GOLGA4: variants seen among roughly 807,000 people sequenced by gnomAD.
GOLGA4 encodes the protein golgin subfamily A member 4.
A neutral mutation model predicts 265.9 loss-of-function variants in GOLGA4; 169 were observed. That is an observed-to-expected ratio of 0.64 (90% CI 0.56 to 0.72). The LOEUF is 0.72. GOLGA4 is among the 30% of genes least tolerant of loss of function. The pLI is 0.00. For synonymous variants in GOLGA4, 923 were observed against 855.8 expected (o/e 1.08, Z -1.37); for missense variants, 2,482 against 2,483.4 (o/e 1.00, Z 0.01).
At chr3:37,265,117 T>TTGTGTGTGTG (rs35252934) in intron 2 of GOLGA4, among the ~76,000 whole-genome samples, 170 of 147,650 alleles carry the variant, frequency 1.2e-3, no homozygotes, top group African/African-American at 3.7e-3. Context: ...CATGCTCATA[T>TTGTGTGTGTG]TGTGTGTGTG....
chr3:37,276,292 T>A, intron 2 of GOLGA4: 1 of 1,591,406 alleles, frequency 6.3e-7, no homozygotes, highest in Admixed American at 1.7e-5. Flanking sequence ...ATCTTAAAGA[T>A]GCAAAAAATC....
chr3:37,244,338 T>G (rs2096712793), intron 1 of GOLGA4, among the ~76,000 whole-genome samples: 1 of 152,246 alleles, frequency 6.6e-6, no homozygotes, highest in Non-Finnish European at 1.5e-5. Flanking sequence ...TTTTAAGTCT[T>G]GCTGCTCTGC....
rs781369550 is a variant in GOLGA4 at position 37,324,197 on chromosome 3, C to G, written c.2311C>G (p.His771Asp). The change falls in exon 14 of 24, where the codon CAT becomes GAT. Residue 771 changes from histidine to aspartate, a missense_variant. Transcript: ENST00000361924. The part of the protein sequence containing the change: ...LELLLKERDK[H>D]LKEHQAHVEN... ...GCTTCTCTTGAAGGAAAGGGACAAG[C>G]ATTTGAAAGAGCATCAGGCTCATGT... is the stretch of plus-strand genomic sequence containing the variant. 4.3e-6 allele frequency: 7 copies of G among 1,614,024 alleles called. No individual in the cohort carries two copies. In the East Asian group the frequency reaches 1.6e-4, roughly 36 times the overall value.
intron 22 of GOLGA4, among the ~76,000 whole-genome samples, chr3:37,357,545 G>A (rs1033660583): frequency 2.0e-5 from 3 of 152,112 alleles, no homozygotes; most frequent in Non-Finnish European, 4.4e-5. Flanking sequence ...CCCAAAATAC[G>A]ATATGAGATG....
intron 2 of GOLGA4, among the ~76,000 whole-genome samples, chr3:37,263,252 A>G (rs2048004067): frequency 1.3e-5 from 2 of 152,354 alleles, no homozygotes; most frequent in South Asian, 2.1e-4. Flanking sequence ...CTAGGTATGT[A>G]GTATGCTATG....
intron 2 of GOLGA4, chr3:37,276,336 T>C: frequency 6.2e-7 from 1 of 1,606,568 alleles, no homozygotes; most frequent in African/African-American, 1.3e-5. Context: ...TGTGGGAATA[T>C]TCCTCCTGAC....
intron 14 of GOLGA4, 127 bp from the exon 15 acceptor site, chr3:37,328,289 C>G (rs1460254604): frequency 2.4e-6 from 2 of 845,456 alleles, no homozygotes; most frequent in African/African-American, 3.4e-5. Context: ...CACTCTCTCT[C>G]TCTCTCTCTC....
At chr3:37,344,825 T>A (rs2097050957) in intron 20 of GOLGA4, among the ~76,000 whole-genome samples, 2 of 152,178 alleles carry the variant, frequency 1.3e-5, no homozygotes, top group Admixed American at 1.3e-4. Context: ...TGCATTTAAT[T>A]TATAGAAAAA....
intron 12 of GOLGA4, 130 bp downstream of exon 12, chr3:37,319,324 G>T (rs1419077201): frequency 6.2e-6 from 4 of 640,520 alleles, no homozygotes; most frequent in Admixed American, 6.4e-5. Flanking sequence ...ATAAAGAGAG[G>T]ATAGAGAGTA....
chr3:37,326,382 A>AG lies in GOLGA4; in HGVS notation c.4499dup (p.Glu1501Ter). ...CAAAATAAAAGATTTGATTGTTTAA[A>AG]GGGTGAAATGGAAGACGACAAGAGC... is the stretch of plus-strand genomic sequence containing the variant. On this transcript the variant is annotated frameshift_variant, in exon 14 of 24. Coordinates refer to ENST00000361924, the MANE Select transcript of GOLGA4 (RefSeq NM_002078.5). LOFTEE classifies it high-confidence loss of function. The AG allele has an allele frequency of 6.2e-7, 1 of 1,613,582 alleles. No individual in the cohort carries two copies. Among genetic ancestry groups the AG allele is most frequent in the Non-Finnish European group, 8.5e-7 (1 of 1,179,728 alleles).
At position 37,325,837 on chromosome 3, in the gene GOLGA4, A is replaced by G. The variant is rs777380871; in HGVS notation, c.3951A>G (p.Val1317=). ...KSMKADIESL[V]TEKEALQKEG... ...TGAAGGCTGATATTGAAAGTCTTGT[A>G]ACAGAAAAAGAAGCCTTACAGAAGG... Residue 1317 remains valine, a synonymous_variant, in exon 14 of 24, where the codon GTA becomes GTG. Coordinates refer to ENST00000361924, the MANE Select transcript of GOLGA4 (RefSeq NM_002078.5). 1 of 1,613,346 alleles carries G rather than the reference A, an allele frequency of 6.2e-7. No homozygotes were observed. Among genetic ancestry groups the G allele is most frequent in the African/African-American group, 1.3e-5 (1 of 74,904 alleles).
chr3:37,340,757 A>G (rs1476963357), intron 20 of GOLGA4, among the ~76,000 whole-genome samples: 1 of 152,170 alleles, frequency 6.6e-6, no homozygotes, highest in African/African-American at 2.4e-5. Context: ...AGGTTCATCC[A>G]TGTTGTTCCA....
intron 6 of GOLGA4, among the ~76,000 whole-genome samples, chr3:37,295,462 T>C (rs2096875713): frequency 6.6e-6 from 1 of 152,232 alleles, no homozygotes; most frequent in Non-Finnish European, 1.5e-5. Flanking sequence ...CAAGCGATCC[T>C]TCCGCCTTGG....
At chr3:37,262,596 T>G (rs1465392478) in intron 2 of GOLGA4, among the ~76,000 whole-genome samples, 2 of 150,626 alleles carry the variant, frequency 1.3e-5, no homozygotes, top group African/African-American at 4.9e-5. Flanking sequence ...AAAGAGAAAA[T>G]TATAGAATTC....
At chr3:37,364,857 T>C (rs1323973652) in intron 23 of GOLGA4, among the ~76,000 whole-genome samples, 1 of 151,946 alleles carries the variant, frequency 6.6e-6, no homozygotes, top group Non-Finnish European at 1.5e-5. Flanking sequence ...CTCCCAAAAG[T>C]GCTGGGATTA....
In GOLGA4 at chr3:37,243,589, G is replaced by GCAGCAGCTC; in HGVS notation, c.46_54dup (p.Leu16_Gln18dup). ...TGAAGCAAAAGATCAGCGAGGAGCA[G>GCAGCAGCTC]CAGCAGCTCCAGCAGGCGCTGGCTC... On this transcript the variant is annotated inframe_insertion, in exon 1 of 24. Transcript: ENST00000361924. 3 of 1,613,950 alleles carry GCAGCAGCTC rather than the reference G, an allele frequency of 1.9e-6. No homozygotes were observed. Among genetic ancestry groups the GCAGCAGCTC allele is most frequent in the Non-Finnish European group, 2.5e-6 (3 of 1,179,954 alleles).
At chr3:37,348,973 G>A (rs939519032) in intron 21 of GOLGA4, among the ~76,000 whole-genome samples, 2 of 152,114 alleles carry the variant, frequency 1.3e-5, no homozygotes, top group African/African-American at 2.4e-5. Context: ...AGCTGAAAGG[G>A]ATGTCCCATG....
chr3:37,343,271 G>A (rs886956176), intron 20 of GOLGA4, among the ~76,000 whole-genome samples: 12 of 152,220 alleles, frequency 7.9e-5, no homozygotes, highest in African/African-American at 2.7e-4. Flanking sequence ...ATAGGCATGC[G>A]CCTCCACGCC....
intron 2 of GOLGA4, chr3:37,275,681 C>A: frequency 6.2e-7 from 1 of 1,611,798 alleles, no homozygotes; most frequent in Non-Finnish European, 8.5e-7. Context: ...GCGGAGAAGA[C>A]CTGCCGGAGC....
Sources: gnomAD v4.1 joint callset for allele counts (sites outside exome capture counted in the v4.1 genomes callset) on GRCh38, gnomAD v4.1.1 for gene constraint, MANE v1.5 for transcripts, NCBI Gene and HGNC (gene_info 2026-07-23, HGNC 2026-07-21) for gene names.